The following RASGRF1 variants were observed in gnomAD, a reference collection of about 807,000 sequenced individuals.
RASGRF1 encodes Ras protein specific guanine nucleotide releasing factor 1, also known as ras-specific guanine nucleotide-releasing factor 1.
A neutral mutation model predicts 138.7 loss-of-function variants in RASGRF1; 40 were observed. The ratio of observed to expected loss-of-function variants is 0.29; its 90% CI spans 0.22 to 0.38. The LOEUF (loss-of-function observed/expected upper bound fraction) is 0.38, where lower values mean the gene tolerates loss of function less well. Ranked by LOEUF, RASGRF1 falls within the 10% of genes least tolerant of loss-of-function variation. The pLI is 1.00. For synonymous variants in RASGRF1, 614 were observed against 663.2 expected (o/e 0.93, Z 1.14); for missense variants, 1,108 against 1,650.4 (o/e 0.67, Z 5.69).
chr15:79,049,437 TG>T lies in RASGRF1; in HGVS notation c.624+58del, dbSNP rs368735927. ...GCTGTGGTGTGGATACTGCCAACCC[TG>T]GGCTGGCTCTCTAAAGAGAGAGCTC... On this transcript the variant is annotated intron_variant, in intron 4 of 26. Transcript: ENST00000558480. 5.8e-5 allele frequency: 88 copies of T among 1,523,762 alleles called. No homozygotes were observed. The African/African-American group carries it at 1.0e-3, about 18-fold the overall frequency. The allele number at this position is 1,523,762 out of a possible 1,614,324, so 94.4% of individuals were successfully genotyped here.
intron 1 of RASGRF1, among the ~76,000 whole-genome samples, chr15:79,085,607 T>A (rs1431231209): frequency 6.6e-6 from 1 of 152,168 alleles, no homozygotes; most frequent in East Asian, 1.9e-4. Context: ...ATGTGCTTTA[T>A]GGTGACAACA....
chr15:79,035,986 G>A (rs1471218234), intron 5 of RASGRF1, among the ~76,000 whole-genome samples: 2 of 152,182 alleles, frequency 1.3e-5, no homozygotes, highest in South Asian at 2.1e-4. Context: ...GCAGCTTAGC[G>A]CGGGCTGGGT....
At chr15:79,039,884 C>T (rs2057274122) in intron 5 of RASGRF1, among the ~76,000 whole-genome samples, 1 of 152,126 alleles carries the variant, frequency 6.6e-6, no homozygotes, top group South Asian at 2.1e-4. Context: ...ATCTTCCCAC[C>T]TTAGCCTCCT....
At chr15:79,028,502 C>T (rs557978726) in intron 8 of RASGRF1, among the ~76,000 whole-genome samples, 2 of 152,232 alleles carry the variant, frequency 1.3e-5, no homozygotes, top group Non-Finnish European at 2.9e-5. Flanking sequence ...GACAACTCCC[C>T]TATTTCGCTC....
intron 1 of RASGRF1, among the ~76,000 whole-genome samples, chr15:79,066,077 G>A (rs1426766978): frequency 6.6e-6 from 1 of 152,006 alleles, no homozygotes; most frequent in Non-Finnish European, 1.5e-5. Flanking sequence ...AGGCTCCAGT[G>A]GGCACCCTGC....
chr15:79,090,617 T>TC lies in RASGRF1; in HGVS notation c.-120dup, dbSNP rs2058043688. 2 of 1,388,026 alleles carry TC rather than the reference T, an allele frequency of 1.4e-6. No individual in the cohort carries two copies. The highest frequency in any genetic ancestry group is 2.6e-5 in the South Asian group (2 of 75,602). 86.0% of individuals were successfully genotyped at this position (1,388,026 alleles called of 1,614,324 possible). On this transcript the variant is annotated 5_prime_UTR_variant, in exon 1 of 27. Transcript: ENST00000558480. The stretch of plus-strand genomic sequence containing the variant: ...CTCGCTCGCTCGCTCCCTCTAGCTC[T>TC]CCCCTCCCCCCAAATATCTACACTC...
Position 78,973,340 on chromosome 15 carries a change from G to A in RASGRF1, c.3575C>T (p.Thr1192Met), listed in dbSNP as rs972899408. The stretch of plus-strand genomic sequence containing the variant: ...GGAGAAGTTGACCAGGCCGTCTTCC[G>A]TGTAATTGGGCGTCCCCTCCTCGAT... Reference protein sequence around the residue: ...AFIEEGTPNYTEDGLVNFSKM... With the variant: ...AFIEEGTPNYMEDGLVNFSKM... The change falls in exon 25 of 27, where the codon ACG (threonine) becomes ATG (methionine). Residue 1192 changes from threonine (T) to methionine (M), a missense_variant. Around this residue, in one of 3 missense-constraint regions of RASGRF1, gnomAD observed 686 missense variants for 976.7 expected, o/e 0.70. Transcript: ENST00000558480. This position sits in a 1 kb window ranked among gnomAD's most constrained non-coding sequence, Gnocchi z 4.9. 4 of 1,613,658 alleles carry A rather than the reference G, an allele frequency of 2.5e-6. No individual in the cohort carries two copies. Among genetic ancestry groups the A allele is most frequent in the Non-Finnish European group, 3.4e-6 (4 of 1,179,686 alleles).
chr15:79,001,488 G>A (rs1046282897), intron 16 of RASGRF1, among the ~76,000 whole-genome samples, 174 bp downstream of exon 16: 1 of 152,156 alleles, frequency 6.6e-6, no homozygotes, highest in African/African-American at 2.4e-5. Context: ...CCTTCCCTTG[G>A]GGTGGCGGGG....
At chr15:79,065,142 G>A (rs192826685) in intron 1 of RASGRF1, among the ~76,000 whole-genome samples, 5 of 152,330 alleles carry the variant, frequency 3.3e-5, no homozygotes, top group Admixed American at 1.3e-4. Flanking sequence ...AAAGCTCCTA[G>A]AAGAATGCTT....
intron 1 of RASGRF1, among the ~76,000 whole-genome samples, chr15:79,082,524 G>C (rs901749178): frequency 6.6e-6 from 1 of 152,206 alleles, no homozygotes; most frequent in Admixed American, 6.5e-5. Flanking sequence ...AGATCTGGGG[G>C]TTGGTTGTTA....
intron 26 of RASGRF1, among the ~76,000 whole-genome samples, chr15:78,962,753 T>G (rs1315724648): frequency 6.6e-6 from 1 of 152,074 alleles, no homozygotes; most frequent in Non-Finnish European, 1.5e-5. Flanking sequence ...TATTGTGGTG[T>G]GCACCTGTGG....
At chr15:78,981,886 G>C (rs1472982426) in intron 23 of RASGRF1, among the ~76,000 whole-genome samples, 3 of 152,212 alleles carry the variant, frequency 2.0e-5, no homozygotes, top group Admixed American at 2.0e-4. Flanking sequence ...AAGGCTGGAT[G>C]CCCTGGCCCA....
chr15:79,016,019 C>A (rs2056874075), intron 12 of RASGRF1, among the ~76,000 whole-genome samples: 1 of 152,156 alleles, frequency 6.6e-6, no homozygotes, highest in African/African-American at 2.4e-5. Context: ...CAAAAATATT[C>A]AAAATCCAAA....
chr15:78,980,464 A>G (rs1311157620), intron 24 of RASGRF1, 156 bp downstream of exon 24: 1 of 539,178 alleles, frequency 1.9e-6, no homozygotes, highest in African/African-American at 1.9e-5. Context: ...GGAGGACTCC[A>G]CCATTGGGGT....
intron 10 of RASGRF1, among the ~76,000 whole-genome samples, chr15:79,020,627 C>T (rs2140980628): frequency 6.6e-6 from 1 of 152,306 alleles, no homozygotes; most frequent in East Asian, 1.9e-4. Context: ...TGGAGAGAGC[C>T]TCAAGGGCCC....
Position 78,973,494 on chromosome 15 carries a change from C to T in RASGRF1, c.3495-74G>A, listed in dbSNP as rs1342236606. Reference sequence around the variant, plus strand: ...CGTCTACCAAGAACAGAACATCCCGCATGCACCTTTTGCTTTGCTAGAGGC... The same window carrying T: ...CGTCTACCAAGAACAGAACATCCCGTATGCACCTTTTGCTTTGCTAGAGGC... On this transcript the variant is annotated intron_variant, in intron 24 of 26. Transcript: ENST00000558480. This position sits in a 1 kb window ranked among gnomAD's most constrained non-coding sequence, Gnocchi z 4.9. The T allele has an allele frequency of 4.4e-6, 5 of 1,138,034 alleles. No homozygotes were observed. The highest frequency in any genetic ancestry group is 6.5e-6 in the Non-Finnish European group (5 of 769,716). The allele number at this position is 1,138,034 out of a possible 1,614,324, so 70.5% of individuals were successfully genotyped here. A position where few individuals can be genotyped will look rare whatever the true frequency, so the allele number is the denominator to read the frequency against.
Position 78,973,192 on chromosome 15 carries a change from G to A in RASGRF1, c.3612+111C>T. 1 of 819,760 alleles carries A rather than the reference G, an allele frequency of 1.2e-6. No homozygotes were observed. Among genetic ancestry groups the A allele is most frequent in the Non-Finnish European group, 1.9e-6 (1 of 516,226 alleles). The allele number at this position is 819,760 out of a possible 1,614,324, so 50.8% of individuals were successfully genotyped here. ...AGCTGGACCCAGGCTCCCAAATGGG[G>A]GCACCCTATGCAGCAGGTTGGGCCT... On this transcript the variant is annotated intron_variant, in intron 25 of 26. Coordinates refer to ENST00000558480, the MANE Select transcript of RASGRF1 (RefSeq NM_001145648.3). This position sits in a 1 kb window ranked among gnomAD's most constrained non-coding sequence, Gnocchi z 4.9.
intron 21 of RASGRF1, among the ~76,000 whole-genome samples, chr15:78,990,910 C>T (rs1464372901): frequency 6.6e-6 from 1 of 152,172 alleles, no homozygotes; most frequent in Non-Finnish European, 1.5e-5. Context: ...AAGTGCCGAC[C>T]CTCTCTATTT....
intron 9 of RASGRF1, among the ~76,000 whole-genome samples, chr15:79,026,634 C>T (rs1046626376): frequency 6.6e-6 from 1 of 152,186 alleles, no homozygotes; most frequent in Non-Finnish European, 1.5e-5. Flanking sequence ...CATTTTGTCT[C>T]CAGGTCCAGC....
Sources: gnomAD v4.1 joint callset for allele counts (sites outside exome capture counted in the v4.1 genomes callset) on GRCh38, gnomAD v4.1.1 for gene constraint, gnomAD v4.1.1 regional missense constraint, Gnocchi (gnomAD v3.1) non-coding constraint, MANE v1.5 for transcripts, NCBI Gene and HGNC (gene_info 2026-07-23, HGNC 2026-07-21) for gene names.